The following LTB variants were observed in gnomAD, a reference collection of about 807,000 sequenced individuals.
LTB encodes lymphotoxin-beta.
LTB carries 17 observed loss-of-function variants against 14.7 expected under a neutral mutation model. The observed-to-expected ratio is 1.16, with a 90% CI of 0.79 to 1.73. The LOEUF (loss-of-function observed/expected upper bound fraction) is 1.73. Among genes scored for constraint, LTB ranks in the 40% most tolerant of loss-of-function variants. The probability of loss-of-function intolerance (pLI) is 0.00; values close to 1 mark genes in which losing one functional copy is unlikely to be tolerated. For missense variants in LTB, 288 were observed against 324.3 expected (o/e 0.89, Z 0.86); for synonymous variants, 163 against 157.3 (o/e 1.04, Z -0.27).
chr6:31,582,062 CA>C, intron 1 of LTB, 193 bp downstream of exon 1: 2 of 775,774 alleles, frequency 2.6e-6, no homozygotes, highest in Non-Finnish European at 2.1e-6. Flanking sequence ...AGAGGAGACA[CA>C]AGGGGCTTAT....
chr6:31,581,547 G>T lies in LTB; in HGVS notation c.280+12C>A, dbSNP rs745861894. ...TTATTTACACTCTTATTCAGGTCTTGGAGGTCCTTACCTATGAGGTGGGCA... is the reference window on the plus strand; with the variant it reads ...TTATTTACACTCTTATTCAGGTCTTTGAGGTCCTTACCTATGAGGTGGGCA... On this transcript the variant is annotated intron_variant, in intron 3 of 3. Coordinates refer to ENST00000429299, the MANE Select transcript of LTB (RefSeq NM_002341.2). 2 of 1,611,376 alleles carry T rather than the reference G, an allele frequency of 1.2e-6. No homozygotes were observed. Among genetic ancestry groups the T allele is most frequent in the Non-Finnish European group, 1.7e-6 (2 of 1,178,504 alleles).
intron 1 of LTB, 62 bp downstream of exon 1, chr6:31,582,194 C>T (rs1771593896): frequency 6.3e-7 from 1 of 1,594,228 alleles, no homozygotes; most frequent in Non-Finnish European, 8.6e-7. Flanking sequence ...ACAGGCACAA[C>T]CAGAGGGAGC....
At chr6:31,581,958 T>C (rs1771564639) in intron 1 of LTB, 99 bp from the exon 2 acceptor site, 8 of 1,226,068 alleles carry the variant, frequency 6.5e-6, no homozygotes, top group Middle Eastern at 2.0e-4. Flanking sequence ...GGGTTTCTCC[T>C]ACCAGCACCA....
Position 31,580,766 on chromosome 6 carries a change from G to A in LTB, c.678C>T (p.Pro226=), listed in dbSNP as rs145227210. The A allele has an allele frequency of 1.2e-6, 2 of 1,612,850 alleles. No individual in the cohort carries two copies. Among genetic ancestry groups the A allele is most frequent in the African/African-American group, 1.3e-5 (1 of 74,896 alleles). ...GERVYVNISH[P]DMVDFARGKT... ...TCCCTCTCGCGAAGTCCACCATATC[G>A]GGGTGACTGATGTTGACGTACACCC... Residue 226 remains proline, a synonymous_variant, in exon 4 of 4, where the codon CCC becomes CCT. Transcript: ENST00000429299. This position sits in a 1 kb window ranked among gnomAD's most constrained non-coding sequence, Gnocchi z 6.6.
At chr6:31,582,037 T>G in intron 1 of LTB, 178 bp from the exon 2 acceptor site, 1 of 769,786 alleles carries the variant, frequency 1.3e-6, no homozygotes, top group Non-Finnish European at 2.1e-6. Context: ...GAAACAGATG[T>G]ACCTCGGGAA....
rs1188756360 is a variant in LTB, at chr6:31,580,858, C to T, written c.586G>A (p.Gly196Arg). The T allele has an allele frequency of 1.2e-6, 2 of 1,610,208 alleles. No homozygotes were observed. The highest frequency in any genetic ancestry group is 1.7e-6 in the Non-Finnish European group (2 of 1,178,828). ...CTCGTGTACCAGAGAGGCCCGTACCCTTGTCTCCTGGCCGGGTCCAGCACT... is the reference window on the plus strand; with the variant it reads ...CTCGTGTACCAGAGAGGCCCGTACCTTTGTCTCCTGGCCGGGTCCAGCACT... Reference protein sequence around the residue: ...TPVLDPARRQGYGPLWYTSVG... With the variant: ...TPVLDPARRQRYGPLWYTSVG... The change falls in exon 4 of 4, where the codon GGG becomes AGG. Residue 196 changes from glycine to arginine, a missense_variant. Physicochemically the swap from Gly to Arg is moderately radical, Grantham distance 125. This residue lies in a region of LTB where 284 missense variants were observed against 299.2 expected (regional missense o/e 0.95). Transcript: ENST00000429299. The surrounding 1 kb of genome is among the most constrained non-coding windows in gnomAD (Gnocchi z 6.6).
In LTB at chr6:31,580,813, C is replaced by T; in HGVS notation, c.631G>A (p.Val211Met). The T allele has an allele frequency of 6.2e-7, 1 of 1,612,924 alleles. No homozygotes were observed. The highest frequency in any genetic ancestry group is 1.3e-5 in the African/African-American group (1 of 75,050). ...WYTSVGFGGL[V>M]QLRRGERVYV... ...ACCCTCTCGCCCCTCCGGAGCTGCA[C>T]CAGGCCGCCGAACCCCACGCTCGTG... The change falls in exon 4 of 4, where the codon GTG becomes ATG. Residue 211 changes from valine (V) to methionine (M), a missense_variant. By Grantham distance (21) the Val-to-Met change is conservative. Coordinates refer to ENST00000429299, the MANE Select transcript of LTB (RefSeq NM_002341.2). The surrounding 1 kb of genome is among the most constrained non-coding windows in gnomAD (Gnocchi z 6.6).
At position 31,582,358 on chromosome 6, in the gene LTB, C is replaced by T. The variant is rs1771613304; in HGVS notation, c.60G>A (p.Leu20=). The T allele has an allele frequency of 6.2e-7, 1 of 1,612,868 alleles. No homozygotes were observed. Among genetic ancestry groups the T allele is most frequent in the Non-Finnish European group, 8.5e-7 (1 of 1,179,972 alleles). Reference sequence around the variant, plus strand: ...GAGAAGTGGCTCCTGCCACAGCTAGCAGGAGGGAACCCCTCCCCTGGAGCC... The same window carrying T: ...GAGAAGTGGCTCCTGCCACAGCTAGTAGGAGGGAACCCCTCCCCTGGAGCC... ...GGRLQGRGSL[L]LAVAGATSLV... The change falls in exon 1 of 4, where the codon CTG becomes CTA. Residue 20 remains leucine, a synonymous_variant. Coordinates refer to ENST00000429299, the MANE Select transcript of LTB (RefSeq NM_002341.2).
Position 31,581,621 on chromosome 6 carries a change from T to A in LTB, c.218A>T (p.Lys73Met). 1 of 1,612,860 alleles carries A rather than the reference T, an allele frequency of 6.2e-7. No individual in the cohort carries two copies. The highest frequency in any genetic ancestry group is 8.5e-7 in the Non-Finnish European group (1 of 1,179,948). The part of the protein sequence containing the change: ...AQAQQGLGFQ[K>M]LPEEEPETDL... ...TGTTTCTGGCTCCTCCTCTGGCAGCTTCTGAAACCCTGGAAGGGGCAAAGA... is the reference window on the plus strand; with the variant it reads ...TGTTTCTGGCTCCTCCTCTGGCAGCATCTGAAACCCTGGAAGGGGCAAAGA... Residue 73 changes from lysine to methionine, a missense_variant, in exon 3 of 4, where the codon AAG (lysine) becomes ATG (methionine). Coordinates refer to ENST00000429299, the MANE Select transcript of LTB (RefSeq NM_002341.2).
At position 31,581,053 on chromosome 6, in the gene LTB, C is replaced by G; in HGVS notation, c.391G>C (p.Gly131Arg). 6.2e-7 allele frequency: 1 copy of G among 1,609,032 alleles called. No homozygotes were observed. The highest frequency in any genetic ancestry group is 8.5e-7 in the Non-Finnish European group (1 of 1,178,402). ...ACGAGACAGTAGAGGTAATAGAGGC[C>G]GTCCTGCGGGAGCGCCAGCCCCTCG... Reference protein sequence around the residue: ...DAEGLALPQDGLYYLYCLVGY... With the variant: ...DAEGLALPQDRLYYLYCLVGY... Residue 131 changes from glycine to arginine, a missense_variant, in exon 4 of 4, where the codon GGC becomes CGC. Physicochemically the swap from Gly to Arg is moderately radical, Grantham distance 125. Around this residue, in one of 2 missense-constraint regions of LTB, gnomAD observed 284 missense variants for 299.2 expected, o/e 0.95. Coordinates refer to ENST00000429299, the MANE Select transcript of LTB (RefSeq NM_002341.2).
intron 3 of LTB, 132 bp downstream of exon 3, chr6:31,581,427 G>T: frequency 3.3e-6 from 3 of 914,960 alleles, no homozygotes; most frequent in South Asian, 1.4e-5. Flanking sequence ...GTAAGAGTGG[G>T]CACGAGCGAC....
intron 3 of LTB, 131 bp downstream of exon 3, chr6:31,581,428 C>T: frequency 5.4e-6 from 5 of 918,740 alleles, no homozygotes; most frequent in Middle Eastern, 4.4e-4. Flanking sequence ...TAAGAGTGGG[C>T]ACGAGCGACA....
intron 2 of LTB, 27 bp from the exon 3 acceptor site, chr6:31,581,657 G>T: frequency 6.2e-7 from 1 of 1,610,666 alleles, no homozygotes; most frequent in Non-Finnish European, 8.5e-7. Flanking sequence ...GTCCACGATT[G>T]GGGGCAGGGC....
Position 31,581,641 on chromosome 6 carries a change from CAA to C in LTB, c.209-13_209-12del, listed in dbSNP as rs1273352156. The C allele has an allele frequency of 6.2e-6, 10 of 1,612,606 alleles. No individual in the cohort carries two copies. Among genetic ancestry groups the C allele is most frequent in the South Asian group, 1.1e-5 (1 of 91,090 alleles). On this transcript the variant is annotated splice_polypyrimidine_tract_variant and intron_variant, in intron 2 of 3. Transcript: ENST00000429299. ...GCAGCTTCTGAAACCCTGGAAGGGG[CAA>C]AGAGTCCACGATTGGGGGCAGGGCA...
Position 31,581,007 on chromosome 6 carries a change from G to A in LTB, c.437C>T (p.Pro146Leu). Residue 146 changes from proline to leucine, a missense_variant, in exon 4 of 4, where the codon CCC becomes CTC. Pro to Leu is a moderately conservative substitution (Grantham distance 98). Around this residue, in one of 2 missense-constraint regions of LTB, gnomAD observed 284 missense variants for 299.2 expected, o/e 0.95. Coordinates refer to ENST00000429299, the MANE Select transcript of LTB (RefSeq NM_002341.2). Reference sequence around the variant, plus strand: ...GCCCTGGGGGTCCCCGCCGCCAGGGGGCGCCCGGCCCCGGTAGCCGACGAG... The same window carrying A: ...GCCCTGGGGGTCCCCGCCGCCAGGGAGCGCCCGGCCCCGGTAGCCGACGAG... ...YCLVGYRGRA[P>L]PGGGDPQGRS... is the part of the protein sequence containing the mutation. 1 of 1,568,524 alleles carries A rather than the reference G, an allele frequency of 6.4e-7. No homozygotes were observed. The highest frequency in any genetic ancestry group is 8.6e-7 in the Non-Finnish European group (1 of 1,156,836).
chr6:31,580,576 G>T lies in LTB; in HGVS notation c.*133C>A. On this transcript the variant is annotated 3_prime_UTR_variant, in exon 4 of 4. Coordinates refer to ENST00000429299, the MANE Select transcript of LTB (RefSeq NM_002341.2). This position sits in a 1 kb window ranked among gnomAD's most constrained non-coding sequence, Gnocchi z 6.6. ...CAGCATCTTTATCGGCAGCACTGAAGCTTTCCATTCTTTATTTTCATCAGG... is the reference window on the plus strand; with the variant it reads ...CAGCATCTTTATCGGCAGCACTGAATCTTTCCATTCTTTATTTTCATCAGG... 1.1e-6 allele frequency: 1 copy of T among 883,942 alleles called. No individual in the cohort carries two copies. Among genetic ancestry groups the T allele is most frequent in the Non-Finnish European group, 1.7e-6 (1 of 574,470 alleles). The allele number at this position is 883,942 out of a possible 1,614,324, so 54.8% of individuals were successfully genotyped here.
intron 2 of LTB, 59 bp from the exon 3 acceptor site, chr6:31,581,689 T>G: frequency 6.3e-7 from 1 of 1,599,224 alleles, no homozygotes. Flanking sequence ...CAGGCTACCC[T>G]TGAGAGAACA....
Position 31,582,355 on chromosome 6 carries a change from T to C in LTB, c.63A>G (p.Leu21=). The change falls in exon 1 of 4, where the codon CTA becomes CTG. Residue 21 remains leucine (L), a synonymous_variant. Transcript: ENST00000429299. The stretch of plus-strand genomic sequence containing the variant: ...CCAGAGAAGTGGCTCCTGCCACAGC[T>C]AGCAGGAGGGAACCCCTCCCCTGGA... The part of the protein sequence containing the change: ...GRLQGRGSLL[L]AVAGATSLVT... The C allele has an allele frequency of 6.2e-7, 1 of 1,612,966 alleles. No individual in the cohort carries two copies. Among genetic ancestry groups the C allele is most frequent in the Non-Finnish European group, 8.5e-7 (1 of 1,179,958 alleles).
chr6:31,580,885 G>A lies in LTB; in HGVS notation c.559C>T (p.Pro187Ser), dbSNP rs746154946. 2 of 1,604,398 alleles carry A rather than the reference G, an allele frequency of 1.2e-6. No homozygotes were observed. The highest frequency in any genetic ancestry group is 1.7e-5 in the Admixed American group (1 of 58,830). The change falls in exon 4 of 4, where the codon CCA (proline) becomes TCA (serine). Residue 187 changes from proline to serine, a missense_variant. Physicochemically the swap from Pro to Ser is moderately conservative, Grantham distance 74. This residue lies in a region of LTB where 284 missense variants were observed against 299.2 expected (regional missense o/e 0.95). Coordinates refer to ENST00000429299, the MANE Select transcript of LTB (RefSeq NM_002341.2). The surrounding 1 kb of genome is among the most constrained non-coding windows in gnomAD (Gnocchi z 6.6). Reference protein sequence around the residue: ...LLLEGAETVTPVLDPARRQGY... With the variant: ...LLLEGAETVTSVLDPARRQGY... ...TGTCTCCTGGCCGGGTCCAGCACTG[G>A]AGTCACCGTCTCGGCGCCCTCGAGC... is the stretch of plus-strand genomic sequence containing the variant.
Sources: allele counts gnomAD v4.1 joint callset, GRCh38; gene constraint gnomAD v4.1.1; regional missense constraint gnomAD v4.1.1; non-coding constraint Gnocchi (gnomAD v3.1); transcripts MANE v1.5; gene names NCBI Gene and HGNC (gene_info 2026-07-23, HGNC 2026-07-21).